CDK13: variants seen among roughly 807,000 people sequenced by gnomAD.
CDK13 encodes cyclin dependent kinase 13.
A neutral mutation model predicts 137.6 loss-of-function variants in CDK13; 40 were observed. The observed-to-expected ratio is 0.29, with a 90% CI of 0.23 to 0.38. The LOEUF (loss-of-function observed/expected upper bound fraction) is 0.38. Among genes scored for constraint, CDK13 ranks in the 10% least tolerant of loss-of-function variants. The pLI, the probability that CDK13 is intolerant of heterozygous loss-of-function variation, is 1.00. For synonymous variants in CDK13, 869 were observed against 760.1 expected (o/e 1.14, Z -2.36); for missense variants, 1,704 against 1,951.8 (o/e 0.87, Z 2.39).
At chr7:39,994,649 T>C (rs1024827114) in intron 2 of CDK13, among the ~76,000 whole-genome samples, 5 of 152,152 alleles carry the variant, frequency 3.3e-5, no homozygotes, top group African/African-American at 7.2e-5. Context: ...CTTTTGCTTT[T>C]TTAAAAGAGG....
At chr7:40,061,080 A>AC (rs1786135815) in intron 7 of CDK13, 1 of 151,346 alleles carries the variant, frequency 6.6e-6, no homozygotes, top group East Asian at 1.9e-4. Flanking sequence ...AAAAAAAAAA[A>AC]GGGCGGGGGG....
chr7:40,075,146 G>A (rs1363819322), intron 9 of CDK13, among the ~76,000 whole-genome samples: 1 of 152,054 alleles, frequency 6.6e-6, no homozygotes, highest in Non-Finnish European at 1.5e-5. Flanking sequence ...AGCACAATAT[G>A]GTATTGACAC....
chr7:40,057,474 T>C (rs940314929), intron 7 of CDK13, among the ~76,000 whole-genome samples: 6 of 152,162 alleles, frequency 3.9e-5, no homozygotes, highest in East Asian at 1.9e-4. Flanking sequence ...ATGGCACTTA[T>C]CACACGTGCT....
intron 1 of CDK13, among the ~76,000 whole-genome samples, chr7:39,966,778 A>T (rs1052624101): frequency 2.6e-5 from 4 of 152,078 alleles, no homozygotes; most frequent in Non-Finnish European, 2.9e-5. Context: ...GGTGATGTAC[A>T]GATGGGGTTT....
intron 1 of CDK13, among the ~76,000 whole-genome samples, chr7:39,969,009 G>A (rs17537739): frequency 1.3e-5 from 2 of 150,976 alleles, no homozygotes; most frequent in African/African-American, 4.9e-5. Context: ...GGGTTTTTTT[G>A]TTTGTTTGTT....
At chr7:40,002,481 T>C (rs1415475182) in intron 5 of CDK13, among the ~76,000 whole-genome samples, 1 of 152,174 alleles carries the variant, frequency 6.6e-6, no homozygotes, top group Non-Finnish European at 1.5e-5. Flanking sequence ...GTGGGGTATG[T>C]ATATATGTAT....
chr7:40,094,344 C>A lies in CDK13; in HGVS notation c.3903C>A (p.Ala1301=). The change falls in exon 14 of 14, where the codon GCC becomes GCA. Residue 1301 remains alanine (A), a synonymous_variant. Transcript: ENST00000181839. ...LTDPHAGVKA[A]LLQLLAQHQP... is the part of the protein sequence containing the mutation. ...ACCCTCATGCCGGAGTGAAGGCAGCCCTGTTACAGCTGCTTGCTCAGCATC... is the reference window on the plus strand; with the variant it reads ...ACCCTCATGCCGGAGTGAAGGCAGCACTGTTACAGCTGCTTGCTCAGCATC... 6.2e-7 allele frequency: 1 copy of A among 1,613,846 alleles called. No homozygotes were observed.
chr7:40,009,208 GCTT>G (rs1414270896), intron 5 of CDK13, among the ~76,000 whole-genome samples: 1 of 152,174 alleles, frequency 6.6e-6, no homozygotes, highest in African/African-American at 2.4e-5. Flanking sequence ...GGAAGGTTCT[GCTT>G]CTTTTATTGT....
At chr7:40,050,358 G>A (rs970667777) in intron 7 of CDK13, among the ~76,000 whole-genome samples, 4 of 151,990 alleles carry the variant, frequency 2.6e-5, no homozygotes, top group African/African-American at 9.7e-5. Context: ...AACTTAACTT[G>A]AAGTATATTT....
At chr7:40,078,428 T>C in intron 10 of CDK13, 1 of 285,932 alleles carries the variant, frequency 3.5e-6, no homozygotes, top group Non-Finnish European at 6.4e-6. Flanking sequence ...GAAAAAACTA[T>C]ACTGTTCAGT....
intron 5 of CDK13, among the ~76,000 whole-genome samples, chr7:40,039,228 TC>T (rs925035255): frequency 6.6e-6 from 1 of 152,056 alleles, no homozygotes; most frequent in African/African-American, 2.4e-5. Flanking sequence ...TGATCTTTTT[TC>T]CCCCTAATTT....
At position 40,096,811 on chromosome 7, in the gene CDK13, TTTG is replaced by T. The variant is rs1787057414; in HGVS notation, c.*1835_*1837del. On this transcript the variant is annotated 3_prime_UTR_variant, in exon 14 of 14. Transcript: ENST00000181839. ...CCATTTTATTTTTTGATGGACTCTT[TTTG>T]TTGGGAGAAAGAAATGAATGGAAGA... 1 of 152,138 alleles carries T rather than the reference TTTG, an allele frequency of 6.6e-6. No homozygotes were observed. Among genetic ancestry groups the T allele is most frequent in the Non-Finnish European group, 1.5e-5 (1 of 67,988 alleles). The allele number at this position is 152,138 out of a possible 1,614,324, so 9.4% of individuals were successfully genotyped here. A position where few individuals can be genotyped will look rare whatever the true frequency, so the allele number is the denominator to read the frequency against.
chr7:40,006,856 T>G (rs1410838670), intron 5 of CDK13, among the ~76,000 whole-genome samples: 2 of 152,206 alleles, frequency 1.3e-5, no homozygotes, highest in Non-Finnish European at 2.9e-5. Flanking sequence ...TTTCAAGATG[T>G]AAATATTTCA....
intron 9 of CDK13, among the ~76,000 whole-genome samples, chr7:40,068,196 A>C (rs953932792): frequency 2.0e-5 from 3 of 152,144 alleles, no homozygotes; most frequent in African/African-American, 7.2e-5. Context: ...CTGCAGAAAA[A>C]TGATGGGAGC....
chr7:39,963,631 G>A (rs370868132), intron 1 of CDK13, among the ~76,000 whole-genome samples: 23 of 152,250 alleles, frequency 1.5e-4, no homozygotes, highest in African/African-American at 4.3e-4. Context: ...TCTCCTGCCT[G>A]ATTGCCCTGG....
intron 9 of CDK13, among the ~76,000 whole-genome samples, chr7:40,076,462 G>A (rs752249743): frequency 3.9e-5 from 6 of 152,148 alleles, no homozygotes; most frequent in Non-Finnish European, 5.9e-5. Flanking sequence ...TGTGGGGAGA[G>A]ATGCATTGGG....
At chr7:40,030,274 TAGAG>T (rs70996874) in intron 5 of CDK13, among the ~76,000 whole-genome samples, 15,001 of 147,498 alleles carry the variant, frequency 0.1, 2,468 homozygotes, top group African/African-American at 0.35. Context: ...TATATATATA[TAGAG>T]AGAGAGAGAG....
Position 40,069,130 on chromosome 7 carries a change from G to A in CDK13, c.2780+6030G>A, listed in dbSNP as rs1282514396. On this transcript the variant is annotated intron_variant, in intron 9 of 13. Transcript: ENST00000181839. The stretch of plus-strand genomic sequence containing the variant: ...ACACCTATAGCCTGAGCTATTGGGA[G>A]GCTGCGGTACAAGGATCACCCGAAC... Among the ~76,000 whole-genome samples the A allele has an allele frequency of 2.0e-5, 3 of 152,156 alleles. No individual in the cohort carries two copies. The South Asian group carries it at 6.2e-4, about 31-fold the overall frequency.
chr7:40,008,897 A>C (rs1784843846), intron 5 of CDK13, among the ~76,000 whole-genome samples: 1 of 152,164 alleles, frequency 6.6e-6, no homozygotes, highest in South Asian at 2.1e-4. Context: ...TTTTATATCA[A>C]ATTTACAATT....
Sources: gnomAD v4.1 joint callset for allele counts (sites outside exome capture counted in the v4.1 genomes callset) on GRCh38, gnomAD v4.1.1 for gene constraint, MANE v1.5 for transcripts, NCBI Gene and HGNC (gene_info 2026-07-23, HGNC 2026-07-21) for gene names.